Variants in NFIA observed in about 807,000 individuals in gnomAD.
NFIA encodes nuclear factor I A, also known as nuclear factor 1 A-type.
Under a neutral mutation model 62.8 loss-of-function variants are expected in NFIA, and 8 were observed. The ratio of observed to expected loss-of-function variants is 0.13; its 90% CI spans 0.07 to 0.23. The LOEUF (loss-of-function observed/expected upper bound fraction) is 0.23, where lower values mean the gene tolerates loss of function less well. NFIA is among the 10% of genes least tolerant of loss of function. The probability of loss-of-function intolerance (pLI) is 1.00; values close to 1 mark genes in which losing one functional copy is unlikely to be tolerated. For synonymous variants in NFIA, 235 were observed against 238.1 expected, an observed-to-expected ratio of 0.99 and a Z score of 0.12; for missense variants, 410 against 642.1, an observed-to-expected ratio of 0.64 and a Z score of 3.91.
intron 2 of NFIA, among the ~76,000 whole-genome samples, chr1:61,103,641 T>C (rs1460012023): frequency 6.6e-6 from 1 of 152,180 alleles, no homozygotes; most frequent in Non-Finnish European, 1.5e-5. Flanking sequence ...GGTGACTAGA[T>C]GAGAAATCTG....
intron 2 of NFIA, among the ~76,000 whole-genome samples, chr1:61,155,857 C>T (rs1000657945): frequency 1.3e-5 from 2 of 152,042 alleles, no homozygotes; most frequent in East Asian, 3.9e-4. Context: ...AAAACCTTGG[C>T]TGGGCGCGGT....
At chr1:61,087,698 C>G (rs1450904854) in intron 1 of NFIA, among the ~76,000 whole-genome samples, 1 of 152,142 alleles carries the variant, frequency 6.6e-6, no homozygotes, top group Non-Finnish European at 1.5e-5. Flanking sequence ...TGACTGGCAT[C>G]TAAATGTTTA....
intron 2 of NFIA, among the ~76,000 whole-genome samples, chr1:61,140,646 A>G (rs557371510): frequency 6.6e-6 from 1 of 152,198 alleles, no homozygotes; most frequent in Admixed American, 6.5e-5. Flanking sequence ...AGATTGTTTT[A>G]CCCTGCTGGA....
chr1:61,117,737 A>C (rs1287363157), intron 2 of NFIA, among the ~76,000 whole-genome samples: 5 of 152,184 alleles, frequency 3.3e-5, no homozygotes, highest in Non-Finnish European at 7.3e-5. Flanking sequence ...TAAAGCTCTC[A>C]AATGTATTTA....
intron 2 of NFIA, among the ~76,000 whole-genome samples, chr1:61,215,232 G>A (rs1349551262): frequency 6.6e-6 from 1 of 152,116 alleles, no homozygotes; most frequent in Non-Finnish European, 1.5e-5. Context: ...GTTATATGAA[G>A]TCTAAAATCT....
At chr1:61,425,230 T>G (rs1341897571) in intron 9 of NFIA, among the ~76,000 whole-genome samples, 2 of 152,178 alleles carry the variant, frequency 1.3e-5, no homozygotes, top group African/African-American at 4.8e-5. Context: ...GGTGGAAATT[T>G]TATCCCTAGA....
At chr1:61,421,520 G>C (rs1666620049) in intron 9 of NFIA, among the ~76,000 whole-genome samples, 1 of 152,214 alleles carries the variant, frequency 6.6e-6, no homozygotes, top group Non-Finnish European at 1.5e-5. Context: ...ATGTCGGTTT[G>C]TAGGCCAGGC....
intron 6 of NFIA, among the ~76,000 whole-genome samples, chr1:61,361,661 A>G (rs2100447591): frequency 6.6e-6 from 1 of 152,248 alleles, no homozygotes. Context: ...TATTCAGGGC[A>G]ATTCCTATTC....
chr1:61,147,205 C>G (rs1328812993), intron 2 of NFIA, among the ~76,000 whole-genome samples: 1 of 151,964 alleles, frequency 6.6e-6, no homozygotes, highest in African/African-American at 2.4e-5. Context: ...GGCTGGCATC[C>G]ATTGGTGCAA....
chr1:61,204,747 A>G (rs932629548), intron 2 of NFIA, among the ~76,000 whole-genome samples: 6 of 152,198 alleles, frequency 3.9e-5, no homozygotes, highest in Non-Finnish European at 7.3e-5. Context: ...CTATAGAACA[A>G]ACTCAACTGT....
At chr1:61,212,878 G>A (rs1209035646) in intron 2 of NFIA, among the ~76,000 whole-genome samples, 1 of 152,192 alleles carries the variant, frequency 6.6e-6, no homozygotes, top group Non-Finnish European at 1.5e-5. Context: ...TTTGGCAGCT[G>A]CATTAGTTTT....
chr1:61,106,383 C>A (rs1646600979), intron 2 of NFIA, among the ~76,000 whole-genome samples: 1 of 151,798 alleles, frequency 6.6e-6, no homozygotes, highest in Non-Finnish European at 1.5e-5. Context: ...TTTGTCCATG[C>A]TGGAGTTACC....
intron 2 of NFIA, among the ~76,000 whole-genome samples, chr1:61,111,219 T>C (rs960984891): frequency 1.3e-5 from 2 of 152,150 alleles, no homozygotes; most frequent in Non-Finnish European, 2.9e-5. Flanking sequence ...TATTTTTTCC[T>C]GTGTGAGCAG....
intron 2 of NFIA, among the ~76,000 whole-genome samples, chr1:61,136,164 A>C (rs190624740): frequency 6.6e-6 from 1 of 152,322 alleles, no homozygotes; most frequent in Admixed American, 6.5e-5. Context: ...AACATGTTGT[A>C]CTGAGGTTGG....
intron 2 of NFIA, among the ~76,000 whole-genome samples, chr1:61,092,294 G>A (rs1483951616): frequency 6.6e-6 from 1 of 152,112 alleles, no homozygotes; most frequent in Non-Finnish European, 1.5e-5. Flanking sequence ...TCAGGTAATT[G>A]CTTTAATTGT....
chr1:61,373,210 A>C (rs1663990653), intron 6 of NFIA, among the ~76,000 whole-genome samples: 1 of 152,156 alleles, frequency 6.6e-6, no homozygotes, highest in Non-Finnish European at 1.5e-5. Context: ...GTGGAGGTCA[A>C]AGCAGTTTAT....
chr1:61,108,203 T>C (rs75782647), intron 2 of NFIA, among the ~76,000 whole-genome samples: 1 of 151,824 alleles, frequency 6.6e-6, no homozygotes, highest in East Asian at 1.9e-4. Flanking sequence ...TTTAGAAATA[T>C]ATTGAATCTA....
At chr1:61,213,505 A>G (rs190414333) in intron 2 of NFIA, among the ~76,000 whole-genome samples, 5 of 152,320 alleles carry the variant, frequency 3.3e-5, no homozygotes, top group Admixed American at 3.3e-4. Context: ...ATGATAGATC[A>G]TTTAAATCTG....
At chr1:61,156,867 A>T (rs528700118) in intron 2 of NFIA, among the ~76,000 whole-genome samples, 1 of 152,370 alleles carries the variant, frequency 6.6e-6, no homozygotes, top group African/African-American at 2.4e-5. Flanking sequence ...ATAATAGGGC[A>T]TGGCAACTCA....
Sources: gnomAD v4.1 joint callset for allele counts (sites outside exome capture counted in the v4.1 genomes callset) on GRCh38, gnomAD v4.1.1 for gene constraint, MANE v1.5 for transcripts, NCBI Gene and HGNC (gene_info 2026-07-23, HGNC 2026-07-21) for gene names.